Variants in TTLL13 observed in about 807,000 individuals in gnomAD.
TTLL13 encodes tubulin tyrosine ligase like 13.
chr15:90,252,552 C>A, the TTLL13 span, among the ~76,000 whole-genome samples: 1 of 152,052 alleles, frequency 6.6e-6, no homozygotes, highest in Non-Finnish European at 1.5e-5. Context: ...GGGACTTCAA[C>A]GATTAAGAAA....
the TTLL13 span, among the ~76,000 whole-genome samples, chr15:90,256,601 CTTTCT>C: frequency 1.8e-3 from 59 of 33,000 alleles, 1 homozygote; most frequent in Middle Eastern, 0.025. Flanking sequence ...TTCTTTCTTT[CTTTCT>C]TTCCTTCCTT....
chr15:90,260,367 C>T, the TTLL13 span, among the ~76,000 whole-genome samples: 1 of 151,942 alleles, frequency 6.6e-6, no homozygotes, highest in East Asian at 1.9e-4. Flanking sequence ...CGTAATGGTG[C>T]GCGCCTATGG....
the TTLL13 span, chr15:90,251,739 T>G: frequency 2.6e-6 from 2 of 761,694 alleles, no homozygotes; most frequent in Non-Finnish European, 4.5e-6. Context: ...GCTTCCTAGG[T>G]GTCCTCTGCC....
the TTLL13 span, among the ~76,000 whole-genome samples, chr15:90,253,727 G>T: frequency 5.3e-5 from 8 of 152,182 alleles, no homozygotes; most frequent in Non-Finnish European, 1.0e-4. Context: ...AGCCTTCTAA[G>T]CAACTTAGTT....
the TTLL13 span, chr15:90,264,099 A>G: frequency 7.9e-7 from 1 of 1,267,222 alleles, no homozygotes; most frequent in Non-Finnish European, 1.1e-6. Flanking sequence ...TGACATATGT[A>G]AATCCCACTA....
the TTLL13 span, chr15:90,262,318 A>G: frequency 7.9e-6 from 9 of 1,143,922 alleles, no homozygotes; most frequent in Non-Finnish European, 9.5e-6. Context: ...ATCCTATCAG[A>G]CTCTTAGTGA....
At chr15:90,261,276 G>A in the TTLL13 span, among the ~76,000 whole-genome samples, 86 of 150,816 alleles carry the variant, frequency 5.7e-4, 2 homozygotes, top group African/African-American at 2.0e-3. Flanking sequence ...ACAGGGTTTC[G>A]CTATGTTGGC....
the TTLL13 span, among the ~76,000 whole-genome samples, chr15:90,260,467 A>T: frequency 6.6e-6 from 1 of 152,352 alleles, no homozygotes; most frequent in South Asian, 2.1e-4. Flanking sequence ...ACTGCACTCC[A>T]GCCTGGACGA....
At chr15:90,258,766 C>A in the TTLL13 span, 1 of 1,614,148 alleles carries the variant, frequency 6.2e-7, no homozygotes, top group East Asian at 2.2e-5. Flanking sequence ...CAAGCTTTAC[C>A]ACGGACTCAT....
the TTLL13 span, among the ~76,000 whole-genome samples, chr15:90,260,478 T>C: frequency 9.2e-5 from 14 of 152,182 alleles, no homozygotes; most frequent in East Asian, 5.8e-4. Context: ...GCCTGGACGA[T>C]AGAGTGAGAC....
the TTLL13 span, among the ~76,000 whole-genome samples, chr15:90,260,867 AAG>A: frequency 2.6e-5 from 4 of 151,162 alleles, no homozygotes; most frequent in Non-Finnish European, 5.9e-5. Flanking sequence ...AAAAAAAAAA[AAG>A]AGAGAAAGAA....
the TTLL13 span, chr15:90,257,857 T>A: frequency 1.0e-6 from 1 of 981,078 alleles, no homozygotes; most frequent in South Asian, 1.6e-5. Context: ...GTCCTGTGCC[T>A]GCACTTTGGA....
the TTLL13 span, among the ~76,000 whole-genome samples, chr15:90,252,458 G>A: frequency 1.3e-5 from 2 of 152,306 alleles, no homozygotes; most frequent in African/African-American, 4.8e-5. Flanking sequence ...TAGGATAACA[G>A]GCAGGAGCCA....
chr15:90,263,895 A>G, the TTLL13 span: 4 of 1,216,472 alleles, frequency 3.3e-6, no homozygotes, highest in Non-Finnish European at 4.7e-6. Context: ...TCTTAGGGGC[A>G]CTGCCAAGCA....
chr15:90,256,331 A>G, the TTLL13 span: 1 of 1,613,294 alleles, frequency 6.2e-7, no homozygotes, highest in Non-Finnish European at 8.5e-7. Flanking sequence ...AGCCTTCCCT[A>G]GTCCCCAGCA....
At chr15:90,256,545 TTTTCTTTCTTTC>T in the TTLL13 span, among the ~76,000 whole-genome samples, 2,850 of 105,258 alleles carry the variant, frequency 0.027, 58 homozygotes, top group African/African-American at 0.029. Context: ...TCTCCTTCCT[TTTTCTTTCTTTC>T]TTTCTTTCTT....
At chr15:90,256,763 C>T in the TTLL13 span, among the ~76,000 whole-genome samples, 1 of 151,730 alleles carries the variant, frequency 6.6e-6, no homozygotes, top group East Asian at 1.9e-4. Flanking sequence ...ATCTCAGCTC[C>T]CTGCAACCTC....
the TTLL13 span, chr15:90,253,294 A>G: frequency 6.2e-7 from 1 of 1,613,726 alleles, no homozygotes; most frequent in Non-Finnish European, 8.5e-7. Flanking sequence ...GTGGGGGAGG[A>G]TGAAGAGTGG....
chr15:90,258,330 C>G, the TTLL13 span: 5 of 1,423,272 alleles, frequency 3.5e-6, no homozygotes, highest in Non-Finnish European at 5.0e-6. Context: ...GAATAGGACA[C>G]CTGGGACAGG....
Sources: gnomAD v4.1 joint callset for allele counts (sites outside exome capture counted in the v4.1 genomes callset) on GRCh38, gnomAD v4.1.1 for gene constraint, MANE v1.5 for transcripts, NCBI Gene and HGNC (gene_info 2026-07-23, HGNC 2026-07-21) for gene names.